Variants in PHKG1 observed in about 807,000 individuals in gnomAD.
PHKG1 encodes phosphorylase b kinase gamma catalytic chain, skeletal muscle/heart isoform.
PHKG1 carries 48 observed loss-of-function variants against 50.5 expected under a neutral mutation model. The observed-to-expected ratio is 0.95, with a 90% CI of 0.75 to 1.21. The LOEUF is 1.21. PHKG1 is among the 50% of genes most tolerant of loss of function. The pLI is 0.00. For missense variants in PHKG1, 487 were observed against 519.5 expected, an observed-to-expected ratio of 0.94 and a Z score of 0.61; for synonymous variants, 204 against 212.8, an observed-to-expected ratio of 0.96 and a Z score of 0.36.
Position 56,088,837 on chromosome 7 carries a change from G to T in PHKG1, c.83+22C>A, listed in dbSNP as rs373326422. ...CTGCTGGAGCCTAGGACAGCACTTC[G>T]TGGGGAAAGCTTGGGCTTTACCTGC... On this transcript the variant is annotated intron_variant, in intron 2 of 9. Transcript: ENST00000297373. 8 of 1,575,936 alleles carry T rather than the reference G, an allele frequency of 5.1e-6. No individual in the cohort carries two copies. In the East Asian group the frequency reaches 1.1e-4, roughly 22 times the overall value.
intron 1 of PHKG1, among the ~76,000 whole-genome samples, chr7:56,089,251 T>A (rs981850583): frequency 3.3e-5 from 5 of 151,890 alleles, no homozygotes; most frequent in Admixed American, 3.3e-4. Context: ...TATACAAAAA[T>A]TAGCCGGATG....
intron 4 of PHKG1, among the ~76,000 whole-genome samples, chr7:56,083,928 A>ATCAGGGGC (rs1044391450): frequency 2.6e-5 from 4 of 152,196 alleles, no homozygotes; most frequent in African/African-American, 9.7e-5. Flanking sequence ...GGTGGCCCAC[A>ATCAGGGGC]TCAGGGGCTC....
chr7:56,092,548 T>TA (rs1387328368), intron 1 of PHKG1, among the ~76,000 whole-genome samples: 1 of 152,114 alleles, frequency 6.6e-6, no homozygotes, highest in Non-Finnish European at 1.5e-5. Context: ...GCTGGGATTA[T>TA]AGGCATGAGC....
In PHKG1 at chr7:56,089,021, G is replaced by T. The variant is rs1796387729; in HGVS notation, c.-34-46C>A. 4 of 907,674 alleles carry T rather than the reference G, an allele frequency of 4.4e-6. No individual in the cohort carries two copies. In the Admixed American group the frequency reaches 7.9e-5, roughly 18 times the overall value. 56.2% of individuals were successfully genotyped at this position (907,674 alleles called of 1,614,324 possible). Reference sequence around the variant, plus strand: ...AGCTGTCAGCCTTCCTGACCCAGGGGCTGTTCTCCTTGGGGTCTGGAACTG... The same window carrying T: ...AGCTGTCAGCCTTCCTGACCCAGGGTCTGTTCTCCTTGGGGTCTGGAACTG... On this transcript the variant is annotated intron_variant, in intron 1 of 9. Transcript: ENST00000297373.
At chr7:56,083,805 C>A (rs1257505993) in intron 4 of PHKG1, 90 bp from the exon 5 acceptor site, 2 of 853,794 alleles carry the variant, frequency 2.3e-6, no homozygotes, top group African/African-American at 1.7e-5. Context: ...CACCCTGATA[C>A]CTCTAGAAGC....
intron 1 of PHKG1, among the ~76,000 whole-genome samples, chr7:56,091,233 C>T (rs1796483349): frequency 6.7e-6 from 1 of 150,236 alleles, no homozygotes; most frequent in Non-Finnish European, 1.5e-5. Flanking sequence ...TAAGACAAAA[C>T]AGGCTGGGCG....
chr7:56,092,192 T>G (rs1446859208), intron 1 of PHKG1, among the ~76,000 whole-genome samples: 1 of 152,166 alleles, frequency 6.6e-6, no homozygotes, highest in Non-Finnish European at 1.5e-5. Context: ...TGGGGCCAAC[T>G]TTGTGCCTCT....
rs371433601 is a variant in PHKG1 at position 56,081,250 on chromosome 7, C to A, written c.968G>T (p.Arg323Leu). Residue 323 changes from arginine (R) to leucine (L), a missense_variant, in exon 10 of 10, where the codon CGC becomes CTC. Transcript: ENST00000297373. The surrounding 1 kb of genome is among the most constrained non-coding windows in gnomAD (Gnocchi z 4.6). ...LASVRIYYQY[R>L]RVKPVTREIV... Reference sequence around the variant, plus strand: ...CTCCCGGGTCACAGGCTTCACCCGGCGGTACTGGTAGTAGATCCGCACTGA... The same window carrying A: ...CTCCCGGGTCACAGGCTTCACCCGGAGGTACTGGTAGTAGATCCGCACTGA... 1.9e-6 allele frequency: 3 copies of A among 1,612,986 alleles called. No homozygotes were observed. The highest frequency in any genetic ancestry group is 2.2e-5 in the East Asian group (1 of 44,886).
At chr7:56,091,373 C>T (rs1411978418) in intron 1 of PHKG1, among the ~76,000 whole-genome samples, 2 of 151,578 alleles carry the variant, frequency 1.3e-5, no homozygotes, top group African/African-American at 4.9e-5. Context: ...AAAAATTAGC[C>T]GGGCGTGGTG....
intron 1 of PHKG1, among the ~76,000 whole-genome samples, chr7:56,089,488 C>T (rs926349601): frequency 2.6e-5 from 4 of 151,634 alleles, no homozygotes; most frequent in East Asian, 3.9e-4. Flanking sequence ...AGCTCACTGC[C>T]GGCTCAACCA....
intron 4 of PHKG1, among the ~76,000 whole-genome samples, chr7:56,085,843 G>T (rs1271767079): frequency 6.6e-6 from 1 of 151,822 alleles, no homozygotes; most frequent in Non-Finnish European, 1.5e-5. Context: ...GCATGGTGGT[G>T]GGTGCCTGTA....
At position 56,081,824 on chromosome 7, in the gene PHKG1, G is replaced by A; in HGVS notation, c.792+69C>T. On this transcript the variant is annotated intron_variant, in intron 8 of 9. Transcript: ENST00000297373. This position sits in a 1 kb window ranked among gnomAD's most constrained non-coding sequence, Gnocchi z 4.6. The stretch of plus-strand genomic sequence containing the variant: ...CCCTCCAGCATGTCAGGAAAGGCAG[G>A]GCCTCCCCGGGCAGGGGCGCCTGGC... 6.2e-7 allele frequency: 1 copy of A among 1,608,482 alleles called. No homozygotes were observed. The highest frequency in any genetic ancestry group is 8.5e-7 in the Non-Finnish European group (1 of 1,176,898).
chr7:56,087,666 C>T lies in PHKG1; in HGVS notation c.194G>A (p.Arg65Gln), dbSNP rs199647333. The part of the protein sequence containing the change: ...GGGSFSPEEV[R>Q]ELREATLKEV... ...CTTCAGCGTGGCTTCTCGCAGCTCC[C>T]GCACCTCCTCCGGGCTGAAGCTGCC... Residue 65 changes from arginine to glutamine, a missense_variant, in exon 3 of 10, where the codon CGG (arginine) becomes CAG (glutamine). Arg to Gln is a conservative substitution (Grantham distance 43). Coordinates refer to ENST00000297373, the MANE Select transcript of PHKG1 (RefSeq NM_006213.5). 4.0e-4 allele frequency: 651 copies of T among 1,613,860 alleles called. 2 individuals carry two copies. The highest frequency in any genetic ancestry group is 4.5e-4 in the Non-Finnish European group (531 of 1,180,012).
At chr7:56,085,928 C>G (rs758638905) in intron 4 of PHKG1, among the ~76,000 whole-genome samples, 47 of 149,072 alleles carry the variant, frequency 3.2e-4, no homozygotes, top group Non-Finnish European at 1.5e-4. Context: ...GAGCCGAGAT[C>G]GCACCACTAT....
chr7:56,081,194 G>A lies in PHKG1; in HGVS notation c.1024C>T (p.Pro342Ser). 6.2e-7 allele frequency: 1 copy of A among 1,613,968 alleles called. No individual in the cohort carries two copies. The highest frequency in any genetic ancestry group is 8.5e-7 in the Non-Finnish European group (1 of 1,179,964). ...TAGGCGTCGATGAGCCGGCGCAGAGGCCGGAGGGCATAGGGGTCTCGGATG... is the reference window on the plus strand; with the variant it reads ...TAGGCGTCGATGAGCCGGCGCAGAGACCGGAGGGCATAGGGGTCTCGGATG... Reference protein sequence around the residue: ...IVIRDPYALRPLRRLIDAYAF... With the variant: ...IVIRDPYALRSLRRLIDAYAF... The change falls in exon 10 of 10, where the codon CCT becomes TCT. Residue 342 changes from proline (P) to serine (S), a missense_variant. Transcript: ENST00000297373. This position sits in a 1 kb window ranked among gnomAD's most constrained non-coding sequence, Gnocchi z 4.6.
At chr7:56,091,037 C>T (rs1475034189) in intron 1 of PHKG1, among the ~76,000 whole-genome samples, 1 of 151,926 alleles carries the variant, frequency 6.6e-6, no homozygotes, top group African/African-American at 2.4e-5. Context: ...CATGGCGAGA[C>T]CCCATCTCCG....
chr7:56,083,728 A>T lies in PHKG1; in HGVS notation c.318-13T>A. 1 of 1,558,516 alleles carries T rather than the reference A, an allele frequency of 6.4e-7. No homozygotes were observed. The highest frequency in any genetic ancestry group is 8.7e-7 in the Non-Finnish European group (1 of 1,145,020). ...CCCTCTCTTCATCCTGTGGAAACAG[A>T]GGGTTGATAGCTGGATCGGTCCCAA... On this transcript the variant is annotated splice_polypyrimidine_tract_variant and intron_variant, in intron 4 of 9. Transcript: ENST00000297373.
At chr7:56,087,509 T>C (rs1796306576) in intron 3 of PHKG1, 89 bp downstream of exon 3, 1 of 1,313,412 alleles carries the variant, frequency 7.6e-7, no homozygotes, top group African/African-American at 1.4e-5. Context: ...TCTAGTTGGC[T>C]GTGCGGTGGG....
intron 6 of PHKG1, among the ~76,000 whole-genome samples, chr7:56,082,508 G>A (rs1420202774): frequency 2.6e-5 from 4 of 152,034 alleles, no homozygotes; most frequent in Admixed American, 1.3e-4. Context: ...CAGGAGAATC[G>A]CTTGAACCTG....
Sources: gnomAD v4.1 joint callset for allele counts (sites outside exome capture counted in the v4.1 genomes callset) on GRCh38, gnomAD v4.1.1 for gene constraint, Gnocchi (gnomAD v3.1) non-coding constraint, MANE v1.5 for transcripts, NCBI Gene and HGNC (gene_info 2026-07-23, HGNC 2026-07-21) for gene names.